The following RNF212 variants were observed in gnomAD, a reference collection of about 807,000 sequenced individuals.
RNF212 encodes the protein ring finger protein 212.
Under a neutral mutation model 34.7 loss-of-function variants are expected in RNF212, and 33 were observed. The observed-to-expected ratio is 0.95, with a 90% CI of 0.72 to 1.27. The LOEUF is 1.27. Ranked by LOEUF, RNF212 falls within the 50% of genes most tolerant of loss-of-function variation. The pLI is 0.00. For synonymous variants in RNF212, 140 were observed against 136.1 expected, an observed-to-expected ratio of 1.03 and a Z score of -0.20; for missense variants, 377 against 362.2, an observed-to-expected ratio of 1.04 and a Z score of -0.33.
chr4:1,074,721 C>T (rs1409252000), intron 8 of RNF212, among the ~76,000 whole-genome samples: 1 of 152,178 alleles, frequency 6.6e-6, no homozygotes, highest in Non-Finnish European at 1.5e-5. Flanking sequence ...CATTCCCCAT[C>T]CACCTGAAGC....
intron 4 of RNF212, among the ~76,000 whole-genome samples, chr4:1,087,489 G>A (rs1300013264): frequency 8.5e-6 from 1 of 117,958 alleles, no homozygotes; most frequent in African/African-American, 3.3e-5. Flanking sequence ...GGGTGAGGGT[G>A]AGAGAACCAA....
chr4:1,093,276 T>C (rs1722480115), intron 3 of RNF212: 2 of 674,702 alleles, frequency 3.0e-6, no homozygotes, highest in Non-Finnish European at 4.3e-6. Flanking sequence ...TTTTATCTGT[T>C]GGTATTTACC....
exon 5 of RNF212, chr4:1,056,338 C>T (rs1405678284): frequency 6.4e-6 from 1 of 156,352 alleles, no homozygotes; most frequent in Non-Finnish European, 1.4e-5. Context: ...GTCTAACGTA[C>T]ACATGCTGGT....
chr4:1,092,107 C>G (rs2153052736), intron 3 of RNF212, among the ~76,000 whole-genome samples: 1 of 152,382 alleles, frequency 6.6e-6, no homozygotes, highest in East Asian at 1.9e-4. Flanking sequence ...AAAGCACCCT[C>G]AGCAGGAACA....
At chr4:1,107,050 G>C (rs1224524087) in intron 2 of RNF212, among the ~76,000 whole-genome samples, 1 of 151,872 alleles carries the variant, frequency 6.6e-6, no homozygotes, top group Non-Finnish European at 1.5e-5. Flanking sequence ...CAACTGAGAA[G>C]ATACCATTTT....
chr4:1,073,542 G>T, intron 9 of RNF212, 57 bp downstream of exon 9: 2 of 1,241,728 alleles, frequency 1.6e-6, no homozygotes, highest in Middle Eastern at 1.9e-4. Flanking sequence ...GACCTTTCAG[G>T]GAATGCATTT....
intron 3 of RNF212, among the ~76,000 whole-genome samples, chr4:1,092,270 C>A (rs899663004): frequency 1.3e-5 from 2 of 152,162 alleles, no homozygotes; most frequent in East Asian, 1.9e-4. Context: ...TGTGGCTGAT[C>A]CTGATTTGGC....
intron 3 of RNF212, among the ~76,000 whole-genome samples, chr4:1,063,876 A>T (rs1409580524): frequency 6.6e-6 from 1 of 151,908 alleles, no homozygotes; most frequent in Non-Finnish European, 1.5e-5. Flanking sequence ...TCTCAAAAAA[A>T]AAAAAATGAA....
chr4:1,073,804 C>G lies in RNF212; in HGVS notation c.511-142G>C, dbSNP rs565444874. Reference sequence around the variant, plus strand: ...CGCCCTCTGACAAGTTCCTGTCTAACTTGATTCTGTGTTCACCTCCCGACT... The same window carrying G: ...CGCCCTCTGACAAGTTCCTGTCTAAGTTGATTCTGTGTTCACCTCCCGACT... On this transcript the variant is annotated intron_variant, in intron 8 of 9. Transcript: ENST00000433731. 6 of 665,194 alleles carry G rather than the reference C, an allele frequency of 9.0e-6. No homozygotes were observed. In the Admixed American group the frequency reaches 1.3e-4, roughly 14 times the overall value. 41.2% of individuals were successfully genotyped at this position (665,194 alleles called of 1,614,324 possible). A position where few individuals can be genotyped will look rare whatever the true frequency, so the allele number is the denominator to read the frequency against.
chr4:1,098,042 G>A (rs1233188650), intron 2 of RNF212, among the ~76,000 whole-genome samples: 1 of 152,296 alleles, frequency 6.6e-6, no homozygotes, highest in Non-Finnish European at 1.5e-5. Context: ...TCCAGCCTGG[G>A]CAACAGAGCA....
rs142228667 is a variant in RNF212, at chr4:1,072,982, G to A, written c.786C>T (p.Ala262=). ...TLPIYAEVQR[A]VLFPFQQAEG... is the part of the protein sequence containing the mutation. Reference sequence around the variant, plus strand: ...CAGCCTGCTGGAACGGAAACAAGACGGCCCTTTGTACCTCAGCATATATTG... The same window carrying A: ...CAGCCTGCTGGAACGGAAACAAGACAGCCCTTTGTACCTCAGCATATATTG... Residue 262 remains alanine (A), a synonymous_variant, in exon 10 of 10, where the codon GCC becomes GCT. Transcript: ENST00000433731. 47 of 1,614,048 alleles carry A rather than the reference G, an allele frequency of 2.9e-5. No homozygotes were observed. Among genetic ancestry groups the A allele is most frequent in the African/African-American group, 1.5e-4 (11 of 74,932 alleles).
At chr4:1,081,727 C>A in intron 5 of RNF212, 108 bp from the exon 6 acceptor site, 1 of 797,398 alleles carries the variant, frequency 1.3e-6, no homozygotes, top group Non-Finnish European at 2.1e-6. Flanking sequence ...AATGTTCTTA[C>A]TGGGTTTGCA....
intron 2 of RNF212, among the ~76,000 whole-genome samples, chr4:1,097,688 C>T (rs1723271582): frequency 6.6e-6 from 1 of 152,116 alleles, no homozygotes; most frequent in Admixed American, 6.5e-5. Flanking sequence ...TCTGGCCTTC[C>T]CTCACTTTCC....
chr4:1,091,194 T>C (rs983140607), intron 3 of RNF212, among the ~76,000 whole-genome samples: 11 of 151,954 alleles, frequency 7.2e-5, no homozygotes, highest in African/African-American at 2.4e-4. Context: ...CTGGGGCAAG[T>C]GGAAAGAGAG....
At chr4:1,081,927 A>G (rs933583962) in intron 5 of RNF212, 6 of 340,154 alleles carry the variant, frequency 1.8e-5, no homozygotes, top group Non-Finnish European at 3.3e-5. Context: ...AAGACCTGAC[A>G]ACAGGAGCCA....
chr4:1,099,827 A>C, intron 2 of RNF212: 1 of 456,274 alleles, frequency 2.2e-6, no homozygotes, highest in Non-Finnish European at 4.4e-6. Flanking sequence ...CCGACGGCGC[A>C]AGCGGACACG....
In RNF212 at chr4:1,079,632, G is replaced by C. The variant is rs766383753; in HGVS notation, c.510+11C>G. Reference sequence around the variant, plus strand: ...GTATACAGAGGAACTCAGCAGGAGAGATGCACTTACTTTTCTAATCGGAGA... The same window carrying C: ...GTATACAGAGGAACTCAGCAGGAGACATGCACTTACTTTTCTAATCGGAGA... On this transcript the variant is annotated intron_variant, in intron 8 of 9. Coordinates refer to ENST00000433731, the MANE Select transcript of RNF212 (RefSeq NM_001131034.4). 3 of 1,583,510 alleles carry C rather than the reference G, an allele frequency of 1.9e-6. No homozygotes were observed. The highest frequency in any genetic ancestry group is 2.2e-5 in the South Asian group (2 of 90,436).
Position 1,109,151 on chromosome 4 carries a change from G to A in RNF212, c.110-747C>T, listed in dbSNP as rs1249550163. Among the ~76,000 whole-genome samples the A allele has an allele frequency of 8.5e-5, 13 of 152,098 alleles. No homozygotes were observed. In the East Asian group the frequency reaches 2.3e-3, roughly 27 times the overall value. ...GGCTCCCAAGTGACTGGGCGTACAGGTGCCTGCCACCACACCAGGCTAATT... is the reference window on the plus strand; with the variant it reads ...GGCTCCCAAGTGACTGGGCGTACAGATGCCTGCCACCACACCAGGCTAATT... On this transcript the variant is annotated intron_variant, in intron 1 of 9. Transcript: ENST00000433731.
At chr4:1,062,754 G>T (rs1717831522) in intron 3 of RNF212, among the ~76,000 whole-genome samples, 1 of 152,076 alleles carries the variant, frequency 6.6e-6, no homozygotes, top group Non-Finnish European at 1.5e-5. Context: ...TGGTTGGAAA[G>T]GAAAAAGTAA....
Sources: allele counts gnomAD v4.1 joint callset (sites outside exome capture counted in the v4.1 genomes callset), GRCh38; gene constraint gnomAD v4.1.1; transcripts MANE v1.5; gene names NCBI Gene and HGNC (gene_info 2026-07-23, HGNC 2026-07-21).